IQCB1: variants seen among roughly 807,000 people sequenced by gnomAD.
The protein encoded by IQCB1 is IQ motif containing B1.
A neutral mutation model predicts 84.4 loss-of-function variants in IQCB1; 56 were observed. The observed-to-expected ratio is 0.66, with a 90% CI of 0.54 to 0.83. The LOEUF (loss-of-function observed/expected upper bound fraction) is 0.83. Among genes scored for constraint, IQCB1 ranks in the 40% least tolerant of loss-of-function variants. The pLI, the probability that IQCB1 is intolerant of heterozygous loss-of-function variation, is 0.00. For missense variants in IQCB1, 629 were observed against 682.1 expected, an observed-to-expected ratio of 0.92 and a Z score of 0.87; for synonymous variants, 210 against 234.8, an observed-to-expected ratio of 0.89 and a Z score of 0.96.
intron 4 of IQCB1, among the ~76,000 whole-genome samples, chr3:121,826,731 C>G (rs1421253983): frequency 6.6e-6 from 1 of 152,140 alleles, no homozygotes; most frequent in African/African-American, 2.4e-5. Flanking sequence ...AGTAGGAACA[C>G]TTTACAATAT....
At chr3:121,824,036 G>T (rs941293507) in intron 5 of IQCB1, among the ~76,000 whole-genome samples, 2 of 152,076 alleles carry the variant, frequency 1.3e-5, no homozygotes, top group African/African-American at 4.8e-5. Flanking sequence ...TAAAACAACA[G>T]CTTGTCAGAC....
intron 5 of IQCB1, among the ~76,000 whole-genome samples, chr3:121,815,367 C>T (rs1165932143): frequency 6.6e-6 from 1 of 152,170 alleles, no homozygotes; most frequent in African/African-American, 2.4e-5. Context: ...AAGATGCCCA[C>T]TCTCTCCACC....
At chr3:121,773,654 C>T (rs1230131989) in intron 13 of IQCB1, among the ~76,000 whole-genome samples, 1 of 152,148 alleles carries the variant, frequency 6.6e-6, no homozygotes, top group East Asian at 1.9e-4. Context: ...CCTTACTTCT[C>T]AGCCACAGGA....
At chr3:121,820,550 A>T (rs1950235289) in intron 5 of IQCB1, among the ~76,000 whole-genome samples, 1 of 152,122 alleles carries the variant, frequency 6.6e-6, no homozygotes, top group South Asian at 2.1e-4. Flanking sequence ...CATAGTCCTG[A>T]TCTCTCAATC....
intron 12 of IQCB1, among the ~76,000 whole-genome samples, chr3:121,787,765 AT>A (rs1464091210): frequency 1.3e-5 from 2 of 150,458 alleles, no homozygotes; most frequent in Non-Finnish European, 1.5e-5. Context: ...AAAAAAAAAA[AT>A]ACAATTCTAC....
intron 12 of IQCB1, among the ~76,000 whole-genome samples, chr3:121,784,623 A>C (rs1948635782): frequency 6.6e-6 from 1 of 152,022 alleles, no homozygotes; most frequent in African/African-American, 2.4e-5. Context: ...CTTATCTTTC[A>C]GCTGATATTT....
At position 121,832,346 on chromosome 3, in the gene IQCB1, A is replaced by ATTTT. The variant is rs1369185227; in HGVS notation, c.-13+2044_-13+2045insAAAA. On this transcript the variant is annotated intron_variant, in intron 2 of 14. Transcript: ENST00000310864. ...TTTACAATTTTTTTTTTTTTTTTTG[A>ATTTT]GAGAGAGTCTGACTCTGTTTACCCT... 1.5e-3 allele frequency among the ~76,000 whole-genome samples: 119 copies of ATTTT among 78,542 alleles called. 1 individual carries two copies. The highest frequency in any genetic ancestry group is 1.8e-3 in the Non-Finnish European group (62 of 35,064). 51.5% of individuals were successfully genotyped at this position (78,542 alleles called of 152,430 possible).
At chr3:121,787,776 CAA>C (rs2108542004) in intron 12 of IQCB1, among the ~76,000 whole-genome samples, 1 of 150,974 alleles carries the variant, frequency 6.6e-6, no homozygotes, top group African/African-American at 2.4e-5. Context: ...TACAATTCTA[CAA>C]TTAAAATGTT....
intron 13 of IQCB1, among the ~76,000 whole-genome samples, chr3:121,779,554 CTG>C (rs1340168136): frequency 6.6e-6 from 1 of 151,934 alleles, no homozygotes; most frequent in African/African-American, 2.4e-5. Context: ...GTTATAATGA[CTG>C]TTTTAATGCC....
Position 121,828,651 on chromosome 3 carries a change from A to C in IQCB1, c.101-19T>G. ...ATTATTTCTAAGGCAAAAGGAAATA[A>C]GATATATTTATTTTTGCTTAATACA... is the stretch of plus-strand genomic sequence containing the variant. On this transcript the variant is annotated intron_variant, in intron 3 of 14. Transcript: ENST00000310864. 1 of 1,551,456 alleles carries C rather than the reference A, an allele frequency of 6.4e-7. No homozygotes were observed. The highest frequency in any genetic ancestry group is 8.9e-7 in the Non-Finnish European group (1 of 1,125,200).
intron 2 of IQCB1, among the ~76,000 whole-genome samples, chr3:121,831,289 C>A (rs1473358797): frequency 6.6e-6 from 1 of 151,212 alleles, no homozygotes; most frequent in Admixed American, 6.6e-5. Flanking sequence ...TCTCCCACCT[C>A]AGCCTCCCAA....
rs778414720 is a variant in IQCB1, at chr3:121,788,237, T to C, written c.1278+47A>G. Reference sequence around the variant, plus strand: ...ATTAGCAAAGTCAGTTTTGAACTCATGTTTTTGCCTCTTGATTCAGAGCTC... The same window carrying C: ...ATTAGCAAAGTCAGTTTTGAACTCACGTTTTTGCCTCTTGATTCAGAGCTC... On this transcript the variant is annotated intron_variant, in intron 12 of 14. Transcript: ENST00000310864. 2.5e-6 allele frequency: 4 copies of C among 1,587,516 alleles called. No homozygotes were observed. The Admixed American group carries it at 6.7e-5, about 26-fold the overall frequency.
chr3:121,796,991 A>C, intron 9 of IQCB1, 127 bp downstream of exon 9: 1 of 690,590 alleles, frequency 1.4e-6, no homozygotes, highest in Middle Eastern at 3.9e-4. Context: ...AAATTTAAAG[A>C]TATTTCTGTT....
chr3:121,792,506 A>G, intron 10 of IQCB1, among the ~76,000 whole-genome samples: 1 of 144,068 alleles, frequency 6.9e-6, no homozygotes, highest in Non-Finnish European at 1.5e-5. Context: ...AAAAAATAAC[A>G]AAAAAATTAG....
At chr3:121,827,288 GATA>G (rs1950495623) in intron 4 of IQCB1, among the ~76,000 whole-genome samples, 1 of 151,924 alleles carries the variant, frequency 6.6e-6, no homozygotes, top group Non-Finnish European at 1.5e-5. Flanking sequence ...AACCTAAGTG[GATA>G]ATATTTACAT....
At chr3:121,809,713 T>C (rs540484060) in intron 5 of IQCB1, among the ~76,000 whole-genome samples, 95 of 152,146 alleles carry the variant, frequency 6.2e-4, no homozygotes, top group African/African-American at 2.2e-3. Context: ...ATAAGAAGTA[T>C]AGATTCCATT....
intron 10 of IQCB1, 82 bp downstream of exon 10, chr3:121,795,375 A>G (rs545926664): frequency 6.3e-6 from 5 of 791,866 alleles, no homozygotes; most frequent in Non-Finnish European, 1.1e-5. Flanking sequence ...CTAGGAAATT[A>G]AAAAAAAATC....
At position 121,772,485 on chromosome 3, in the gene IQCB1, T is replaced by C. The variant is rs560120995; in HGVS notation, c.1567+72A>G. On this transcript the variant is annotated intron_variant, in intron 14 of 14. Transcript: ENST00000310864. ...AAGATGCTTAGTAATGGTTTCCTTC[T>C]AAAGGTTTTGGATGTCACAAACCTC... The C allele has an allele frequency of 1.0e-4, 156 of 1,504,426 alleles. 1 individual carries two copies. The Middle Eastern group carries it at 3.3e-3, about 32-fold the overall frequency. The allele number at this position is 1,504,426 out of a possible 1,614,324, so 93.2% of individuals were successfully genotyped here.
At chr3:121,819,461 T>C (rs1360023469) in intron 5 of IQCB1, among the ~76,000 whole-genome samples, 1 of 152,166 alleles carries the variant, frequency 6.6e-6, no homozygotes, top group Non-Finnish European at 1.5e-5. Flanking sequence ...ACTTACTTCC[T>C]CCTGTGTGGC....
Sources: gnomAD v4.1 joint callset for allele counts (sites outside exome capture counted in the v4.1 genomes callset) on GRCh38, gnomAD v4.1.1 for gene constraint, MANE v1.5 for transcripts, NCBI Gene and HGNC (gene_info 2026-07-23, HGNC 2026-07-21) for gene names.